The following AGRN variants were observed in gnomAD, a reference collection of about 807,000 sequenced individuals.
The protein encoded by AGRN is agrin proteoglycan.
A neutral mutation model predicts 211.0 loss-of-function variants in AGRN; 106 were observed. That is an observed-to-expected ratio of 0.50 (90% CI 0.43 to 0.59). The LOEUF (loss-of-function observed/expected upper bound fraction) is 0.59. Ranked by LOEUF, AGRN falls within the 20% of genes least tolerant of loss-of-function variation. AGRN has a pLI of 0.00. For missense variants in AGRN, 3,040 were observed against 2,982.6 expected, an observed-to-expected ratio of 1.02 and a Z score of -0.45; for synonymous variants, 1,525 against 1,332.5, an observed-to-expected ratio of 1.14 and a Z score of -3.15.
At position 1,047,635 on chromosome 1, in the gene AGRN, C is replaced by T. The variant is rs924458131; in HGVS notation, c.3579C>T (p.Asp1193=). ...ATTTTCGGAGTGTCCGCTTGCGGGA[C>T]CTGGGGCCCGGCAAATCCGTCCGCG... ...KKDFRSVRLR[D]LGPGKSVRAI... Residue 1193 remains aspartate (D), a synonymous_variant, in exon 21 of 36, where the codon GAC becomes GAT. Transcript: ENST00000379370. 2 of 1,613,082 alleles carry T rather than the reference C, an allele frequency of 1.2e-6. No homozygotes were observed. Among genetic ancestry groups the T allele is most frequent in the African/African-American group, 1.3e-5 (1 of 75,052 alleles).
At chr1:1,021,669 G>C (rs1033937907) in intron 1 of AGRN, among the ~76,000 whole-genome samples, 1 of 152,234 alleles carries the variant, frequency 6.6e-6, no homozygotes, top group South Asian at 2.1e-4. Flanking sequence ...TGGAGGGTGG[G>C]GCACCCTGCA....
chr1:1,048,385 A>G lies in AGRN; in HGVS notation c.4105+20A>G. 1 of 1,204,016 alleles carries G rather than the reference A, an allele frequency of 8.3e-7. No homozygotes were observed. The allele number at this position is 1,204,016 out of a possible 1,614,324, so 74.6% of individuals were successfully genotyped here. A position where few individuals can be genotyped will look rare whatever the true frequency, so the allele number is the denominator to read the frequency against. On this transcript the variant is annotated intron_variant, in intron 23 of 35. Coordinates refer to ENST00000379370, the MANE Select transcript of AGRN (RefSeq NM_198576.4). The surrounding 1 kb of genome is among the most constrained non-coding windows in gnomAD (Gnocchi z 5.9). ...AGAAGGGTAAGGATGTCCACTGCAG[A>G]GGAGGGCGGGGAGGCAGCAGGGTGG...
chr1:1,042,262 G>A, intron 7 of AGRN, 100 bp downstream of exon 7: 2 of 1,400,690 alleles, frequency 1.4e-6, no homozygotes, highest in South Asian at 1.4e-5. Context: ...TTCCTCTTGG[G>A]GTCCTGGGAG....
In AGRN at chr1:1,031,395, T is replaced by C. The variant is rs576461981; in HGVS notation, c.464-3882T>C. ...GCGTGGGCTGGTCAGGGCTGAATGA[T>C]TTTGTCTGAAGATCCCAAAATAGCT... On this transcript the variant is annotated intron_variant, in intron 2 of 35. Transcript: ENST00000379370. This position sits in a 1 kb window ranked among gnomAD's most constrained non-coding sequence, Gnocchi z 4.8. 5.3e-5 allele frequency among the ~76,000 whole-genome samples: 8 copies of C among 152,258 alleles called. No individual in the cohort carries two copies. The highest frequency in any genetic ancestry group is 3.3e-4 in the Admixed American group (5 of 15,304).
chr1:1,034,790 G>T (rs1644761288), intron 2 of AGRN: 2 of 897,118 alleles, frequency 2.2e-6, no homozygotes, highest in Non-Finnish European at 1.4e-6. Context: ...CGGCGGGTCC[G>T]CGGGGCTCCC....
Position 1,055,182 on chromosome 1 carries a change from A to G in AGRN, c.*201A>G, listed in dbSNP as rs907719578. 2 of 818,362 alleles carry G rather than the reference A, an allele frequency of 2.4e-6. No homozygotes were observed. Among genetic ancestry groups the G allele is most frequent in the Non-Finnish European group, 3.9e-6 (2 of 516,488 alleles). The allele number at this position is 818,362 out of a possible 1,614,324, so 50.7% of individuals were successfully genotyped here. A position where few individuals can be genotyped will look rare whatever the true frequency, so the allele number is the denominator to read the frequency against. On this transcript the variant is annotated 3_prime_UTR_variant, in exon 36 of 36. Coordinates refer to ENST00000379370, the MANE Select transcript of AGRN (RefSeq NM_198576.4). ...TGGCAGCGTGGAGGGCTCGGCGTGG[A>G]TGGCAGCCTCAGGACACACACCCCT... is the stretch of plus-strand genomic sequence containing the variant.
chr1:1,037,438 G>A (rs1644827586), intron 3 of AGRN, among the ~76,000 whole-genome samples: 1 of 152,214 alleles, frequency 6.6e-6, no homozygotes, highest in Admixed American at 6.5e-5. Context: ...TTACGGGCCA[G>A]AGCTCACAGC....
At chr1:1,052,526 T>TGC (rs1348737321) in intron 33 of AGRN, 20 of 240,604 alleles carry the variant, frequency 8.3e-5, no homozygotes, top group Admixed American at 6.3e-4. Context: ...TGTGTGTGTG[T>TGC]GTGCATATGG....
At chr1:1,022,638 T>A (rs1417022335) in intron 2 of AGRN, among the ~76,000 whole-genome samples, 176 bp downstream of exon 2, 1 of 151,528 alleles carries the variant, frequency 6.6e-6, no homozygotes, top group Admixed American at 6.6e-5. Flanking sequence ...CCCAGCTGCA[T>A]CTCCAAGCCC....
At position 1,050,658 on chromosome 1, in the gene AGRN, G is replaced by C. The variant is rs28758798; in HGVS notation, c.5141+67G>C. 0.012 allele frequency: 18,921 copies of C among 1,603,264 alleles called. 345 individuals are homozygous for C. The highest frequency in any genetic ancestry group is 0.051 in the African/African-American group (3,801 of 74,816). On this transcript the variant is annotated intron_variant, in intron 29 of 35. Coordinates refer to ENST00000379370, the MANE Select transcript of AGRN (RefSeq NM_198576.4). ...CCCGGGGCCGGGGCACCAGCAGGTC[G>C]CTCAGGCCCTGGGTGGTCGCGTGGC...
At position 1,022,323 on chromosome 1, in the gene AGRN, C is replaced by T; in HGVS notation, c.324C>T (p.Ser108=). Residue 108 remains serine (S), a synonymous_variant, in exon 2 of 36, where the codon TCC becomes TCT. Coordinates refer to ENST00000379370, the MANE Select transcript of AGRN (RefSeq NM_198576.4). ...GDPLICDNQV[S]TGDTRIFFVN... is the part of the protein sequence containing the mutation. ...CCCTCATCTGTGACAACCAGGTGTC[C>T]ACTGGGGACACCAGGATCTTCTTTG... 1.9e-6 allele frequency: 3 copies of T among 1,613,398 alleles called. No individual in the cohort carries two copies. Among genetic ancestry groups the T allele is most frequent in the South Asian group, 1.1e-5 (1 of 91,090 alleles).
Position 1,040,838 on chromosome 1 carries a change from A to C in AGRN, c.685A>C (p.Ser229Arg). 3 of 1,534,126 alleles carry C rather than the reference A, an allele frequency of 2.0e-6. No homozygotes were observed. Among genetic ancestry groups the C allele is most frequent in the East Asian group, 2.5e-5 (1 of 40,772 alleles). Reference protein sequence around the residue: ...NECELQRAQCSQQRRIRLLSR... With the variant: ...NECELQRAQCRQQRRIRLLSR... Reference sequence around the variant, plus strand: ...ATGCGAGCTGCAGCGGGCGCAGTGCAGCCAGCAGCGCCGCATCCGCCTGCT... The same window carrying C: ...ATGCGAGCTGCAGCGGGCGCAGTGCCGCCAGCAGCGCCGCATCCGCCTGCT... The change falls in exon 4 of 36, where the codon AGC becomes CGC. Residue 229 changes from serine to arginine, a missense_variant. This residue lies in a region of AGRN where 1,498 missense variants were observed against 1,457.8 expected (regional missense o/e 1.03). Transcript: ENST00000379370.
In AGRN at chr1:1,049,112, GGGC is replaced by G. The variant is rs1373225765; in HGVS notation, c.4298+56_4298+58del. 1.6e-4 allele frequency: 149 copies of G among 958,880 alleles called. 3 individuals are homozygous for G. Among genetic ancestry groups the G allele is most frequent in the African/African-American group, 9.9e-4 (27 of 27,396 alleles). 59.4% of individuals were successfully genotyped at this position (958,880 alleles called of 1,614,324 possible). A position where few individuals can be genotyped will look rare whatever the true frequency, so the allele number is the denominator to read the frequency against. ...CAGCTCAGGTGGGCGGGGAGGGGAC[GGGC>G]GGGGGAGGGGGGGCCGGGGCAGCTC... On this transcript the variant is annotated intron_variant, in intron 24 of 35. Coordinates refer to ENST00000379370, the MANE Select transcript of AGRN (RefSeq NM_198576.4).
chr1:1,032,278 C>T lies in AGRN; in HGVS notation c.464-2999C>T, dbSNP rs4970349. On this transcript the variant is annotated intron_variant, in intron 2 of 35. Transcript: ENST00000379370. The surrounding 1 kb of genome is among the most constrained non-coding windows in gnomAD (Gnocchi z 4.7). ...TCCAGGGCCGTAGAGATGTGGAGGC[C>T]TCCTGTCTGGGTGATGGGGCATGGT... Among the ~76,000 whole-genome samples, 68,455 of 152,042 alleles carry T rather than the reference C, an allele frequency of 0.45. 18,939 individuals are homozygous for T. The highest frequency in any genetic ancestry group is 0.79 in the East Asian group (4,075 of 5,172).
intron 2 of AGRN, among the ~76,000 whole-genome samples, chr1:1,028,320 G>GCCCCC (rs77046272): frequency 9.5e-6 from 1 of 105,090 alleles, no homozygotes; most frequent in African/African-American, 4.1e-5. Context: ...GTGGGGAAAC[G>GCCCCC]CCCCCCCCCC....
intron 2 of AGRN, among the ~76,000 whole-genome samples, chr1:1,027,176 G>A (rs1261500208): frequency 3.9e-5 from 6 of 152,242 alleles, no homozygotes; most frequent in Non-Finnish European, 8.8e-5. Context: ...TGGGAGAAGG[G>A]GCGTGCTGTG....
At chr1:1,025,351 C>T (rs934971523) in intron 2 of AGRN, among the ~76,000 whole-genome samples, 6 of 152,194 alleles carry the variant, frequency 3.9e-5, no homozygotes, top group Non-Finnish European at 8.8e-5. Context: ...GGCCTCAGGA[C>T]GGCAGTCCTA....
chr1:1,037,156 C>T (rs1236824598), intron 3 of AGRN, among the ~76,000 whole-genome samples: 1 of 152,162 alleles, frequency 6.6e-6, no homozygotes, highest in Non-Finnish European at 1.5e-5. Flanking sequence ...ATGCTGGTGG[C>T]TGGGGCCGGG....
intron 27 of AGRN, 79 bp downstream of exon 27, chr1:1,050,116 G>A: frequency 1.9e-6 from 3 of 1,582,272 alleles, no homozygotes; most frequent in South Asian, 1.1e-5. Flanking sequence ...AGGTAGCATT[G>A]CAGTTAGGAT....
Sources: gnomAD v4.1 joint callset for allele counts (sites outside exome capture counted in the v4.1 genomes callset) on GRCh38, gnomAD v4.1.1 for gene constraint, gnomAD v4.1.1 regional missense constraint, Gnocchi (gnomAD v3.1) non-coding constraint, MANE v1.5 for transcripts, NCBI Gene and HGNC (gene_info 2026-07-23, HGNC 2026-07-21) for gene names.